SCMH1: variants seen among roughly 807,000 people sequenced by gnomAD.
SCMH1 encodes the protein Scm polycomb group protein homolog 1.
SCMH1 carries 37 observed loss-of-function variants against 70.8 expected under a neutral mutation model. The observed-to-expected ratio is 0.52, with a 90% CI of 0.40 to 0.69. The LOEUF (loss-of-function observed/expected upper bound fraction) is 0.69. Ranked by LOEUF, SCMH1 falls within the 30% of genes least tolerant of loss-of-function variation. The pLI is 0.00. For missense variants in SCMH1, 607 were observed against 827.3 expected (o/e 0.73, Z 3.27); for synonymous variants, 292 against 307.4 (o/e 0.95, Z 0.52).
In SCMH1 at chr1:41,181,058, T is replaced by C. The variant is rs1572886272; in HGVS notation, c.13+5063A>G. On this transcript the variant is annotated intron_variant, in intron 2 of 14. Coordinates refer to ENST00000337495, the Ensembl canonical transcript of SCMH1. The stretch of plus-strand genomic sequence containing the variant: ...AAATAACGCCGCATATCTACAACCA[T>C]CTGATCTTTGGCAAATCTGACAAAA... 2.6e-5 allele frequency among the ~76,000 whole-genome samples: 4 copies of C among 152,262 alleles called. No individual in the cohort carries two copies. The East Asian group carries it at 7.7e-4, about 29-fold the overall frequency.
chr1:41,145,470 T>C (rs1644469073), intron 5 of SCMH1, among the ~76,000 whole-genome samples: 1 of 152,198 alleles, frequency 6.6e-6, no homozygotes, highest in African/African-American at 2.4e-5. Context: ...TGTAGCTTTG[T>C]AGTAAGTTTT....
chr1:41,206,091 C>T (rs1655474114), intron 1 of SCMH1, among the ~76,000 whole-genome samples: 1 of 152,160 alleles, frequency 6.6e-6, no homozygotes. Flanking sequence ...GGTGAGAAAC[C>T]AGAGCAGAAA....
chr1:41,199,739 G>A (rs889917182), intron 1 of SCMH1, among the ~76,000 whole-genome samples: 4 of 151,632 alleles, frequency 2.6e-5, no homozygotes, highest in Non-Finnish European at 5.9e-5. Flanking sequence ...AGGGGGTGGG[G>A]GTGGGAGGAT....
chr1:41,182,421 G>A (rs1305947799), intron 2 of SCMH1, among the ~76,000 whole-genome samples: 1 of 152,100 alleles, frequency 6.6e-6, no homozygotes, highest in Non-Finnish European at 1.5e-5. Context: ...AGGGCAGAAA[G>A]GCATCAAATA....
At chr1:41,139,743 G>T (rs559854156) in intron 6 of SCMH1, among the ~76,000 whole-genome samples, 5 of 152,144 alleles carry the variant, frequency 3.3e-5, no homozygotes, top group African/African-American at 9.6e-5. Flanking sequence ...TTATAAAATT[G>T]AATGATAAAC....
At chr1:41,105,876 A>T (rs1457665662) in intron 8 of SCMH1, among the ~76,000 whole-genome samples, 1 of 148,386 alleles carries the variant, frequency 6.7e-6, no homozygotes, top group East Asian at 2.0e-4. Context: ...CCCATTTGAT[A>T]GTTTTTTTTT....
chr1:41,048,985 T>C (rs1647164164), intron 10 of SCMH1, 95 bp from the exon 11 acceptor site: 1 of 1,155,880 alleles, frequency 8.7e-7, no homozygotes, highest in Non-Finnish European at 1.2e-6. Context: ...CCTTGGCCTC[T>C]GGTTCCTAAC....
chr1:41,177,328 A>T lies in SCMH1; in HGVS notation c.13+8793T>A, dbSNP rs528616736. On this transcript the variant is annotated intron_variant, in intron 2 of 14. Coordinates refer to ENST00000337495, the Ensembl canonical transcript of SCMH1. ...AAAAACTGGAAACTCTAAAAATCAGAGCGCCTCTCCTCCTCCAAAGGAACA... is the reference window on the plus strand; with the variant it reads ...AAAAACTGGAAACTCTAAAAATCAGTGCGCCTCTCCTCCTCCAAAGGAACA... 2.6e-5 allele frequency among the ~76,000 whole-genome samples: 4 copies of T among 152,324 alleles called. No homozygotes were observed. The South Asian group carries it at 8.3e-4, about 32-fold the overall frequency.
chr1:41,110,898 C>T (rs1286122623), intron 8 of SCMH1, among the ~76,000 whole-genome samples: 2 of 152,206 alleles, frequency 1.3e-5, no homozygotes, highest in Admixed American at 1.3e-4. Flanking sequence ...TTTCCAATCT[C>T]ACCAGCAATG....
intron 6 of SCMH1, among the ~76,000 whole-genome samples, chr1:41,128,694 G>A (rs1245552000): frequency 2.6e-5 from 4 of 151,984 alleles, no homozygotes; most frequent in Non-Finnish European, 5.9e-5. Context: ...TGAAGTTATA[G>A]TTTTCATAGT....
chr1:41,096,347 C>T (rs1665053455), intron 8 of SCMH1, among the ~76,000 whole-genome samples: 2 of 152,172 alleles, frequency 1.3e-5, no homozygotes, highest in Non-Finnish European at 1.5e-5. Flanking sequence ...TGGAGCTGGA[C>T]ATTTGAACAT....
At chr1:41,175,775 T>C (rs945431377) in intron 2 of SCMH1, among the ~76,000 whole-genome samples, 18 of 152,258 alleles carry the variant, frequency 1.2e-4, no homozygotes, top group Non-Finnish European at 2.1e-4. Flanking sequence ...AGTGTTTGCC[T>C]TCTCTCCTGG....
chr1:41,077,124 A>T (rs558591536), intron 8 of SCMH1, among the ~76,000 whole-genome samples: 1 of 152,332 alleles, frequency 6.6e-6, no homozygotes, highest in South Asian at 2.1e-4. Context: ...GTAATTATTT[A>T]AAAAGACACC....
chr1:41,102,157 T>C (rs1160897605), intron 8 of SCMH1, among the ~76,000 whole-genome samples: 2 of 151,608 alleles, frequency 1.3e-5, no homozygotes, highest in Non-Finnish European at 2.9e-5. Flanking sequence ...AAATAGGCTA[T>C]TGTGCATGCA....
At chr1:41,166,397 G>T (rs182296985) in intron 2 of SCMH1, among the ~76,000 whole-genome samples, 1 of 152,016 alleles carries the variant, frequency 6.6e-6, no homozygotes, top group Non-Finnish European at 1.5e-5. Flanking sequence ...TTAGAATTTT[G>T]ATGGCAGTTG....
At chr1:41,137,596 C>A (rs1452136257) in intron 6 of SCMH1, among the ~76,000 whole-genome samples, 1 of 152,220 alleles carries the variant, frequency 6.6e-6, no homozygotes, top group Admixed American at 6.5e-5. Flanking sequence ...GCAGCAGCAT[C>A]CTTACCCTCA....
At chr1:41,153,500 G>A (rs1291949601) in intron 4 of SCMH1, among the ~76,000 whole-genome samples, 1 of 151,958 alleles carries the variant, frequency 6.6e-6, no homozygotes, top group African/African-American at 2.4e-5. Context: ...CAGCATCAGG[G>A]GTACCACAAC....
chr1:41,078,109 G>A (rs1391669393), intron 8 of SCMH1, among the ~76,000 whole-genome samples: 1 of 151,844 alleles, frequency 6.6e-6, no homozygotes, highest in Non-Finnish European at 1.5e-5. Context: ...ACAATATTAG[G>A]AATAACTCAT....
At chr1:41,143,187 GT>G in intron 5 of SCMH1, 75 bp from the exon 6 acceptor site, 1 of 1,146,656 alleles carries the variant, frequency 8.7e-7, no homozygotes. Context: ...ATTCAGATTG[GT>G]TATAGCTGGG....
Sources: gnomAD v4.1 joint callset for allele counts (sites outside exome capture counted in the v4.1 genomes callset) on GRCh38, gnomAD v4.1.1 for gene constraint, MANE v1.5 for transcripts, NCBI Gene and HGNC (gene_info 2026-07-23, HGNC 2026-07-21) for gene names.